The following USP34 variants were observed in gnomAD, a reference collection of about 807,000 sequenced individuals.
The protein encoded by USP34 is ubiquitin specific peptidase 34, also known as ubiquitin carboxyl-terminal hydrolase 34.
A neutral mutation model predicts 460.3 loss-of-function variants in USP34; 70 were observed. That is an observed-to-expected ratio of 0.15 (90% CI 0.13 to 0.19). The LOEUF is 0.19. Ranked by LOEUF, USP34 falls within the 10% of genes least tolerant of loss-of-function variation. The pLI is 1.00. For missense variants in USP34, 3,985 were observed against 4,236.2 expected, an observed-to-expected ratio of 0.94 and a Z score of 1.65; for synonymous variants, 1,647 against 1,405.3, an observed-to-expected ratio of 1.17 and a Z score of -3.85.
At chr2:61,451,110 A>G (rs1338637994) in intron 1 of USP34, among the ~76,000 whole-genome samples, 1 of 147,858 alleles carries the variant, frequency 6.8e-6, no homozygotes, top group Non-Finnish European at 1.5e-5. Context: ...AATTCCAGCT[A>G]CTCGGGACGC....
intron 10 of USP34, among the ~76,000 whole-genome samples, chr2:61,361,724 C>T (rs1382887039): frequency 6.6e-6 from 1 of 152,112 alleles, no homozygotes; most frequent in Non-Finnish European, 1.5e-5. Flanking sequence ...GAAGGTGACA[C>T]AGGTTAAAAA....
At chr2:61,244,671 T>C (rs1688373649) in intron 51 of USP34, among the ~76,000 whole-genome samples, 1 of 152,042 alleles carries the variant, frequency 6.6e-6, no homozygotes, top group African/African-American at 2.4e-5. Flanking sequence ...GAAGATGTCC[T>C]TTTTCTATCC....
At chr2:61,258,400 G>GT (rs1482212855) in intron 44 of USP34, among the ~76,000 whole-genome samples, 1 of 152,168 alleles carries the variant, frequency 6.6e-6, no homozygotes, top group African/African-American at 2.4e-5. Flanking sequence ...GGTGAGAAAA[G>GT]TAACATATAT....
chr2:61,357,855 C>T (rs541898912), intron 10 of USP34, among the ~76,000 whole-genome samples: 1 of 152,094 alleles, frequency 6.6e-6, no homozygotes, highest in Non-Finnish European at 1.5e-5. Flanking sequence ...ACACTGCATA[C>T]TCCAGCTTGG....
intron 58 of USP34, among the ~76,000 whole-genome samples, chr2:61,232,039 C>T (rs896018619): frequency 6.6e-6 from 1 of 151,982 alleles, no homozygotes; most frequent in East Asian, 1.9e-4. Flanking sequence ...CAAACTGTTT[C>T]GTTTGACAGT....
Position 61,187,868 on chromosome 2 carries a change from T to G in USP34, c.*234A>C, listed in dbSNP as rs1174943370. The G allele has an allele frequency of 7.5e-7, 1 of 1,337,904 alleles. No homozygotes were observed. Among genetic ancestry groups the G allele is most frequent in the African/African-American group, 1.5e-5 (1 of 67,476 alleles). The allele number at this position is 1,337,904 out of a possible 1,614,324, so 82.9% of individuals were successfully genotyped here. A position where few individuals can be genotyped will look rare whatever the true frequency, so the allele number is the denominator to read the frequency against. ...AAATGAAAGCCACTAAAGTGAACTC[T>G]TAATTACATAAAACATATCCATTAT... On this transcript the variant is annotated 3_prime_UTR_variant, in exon 80 of 80. Coordinates refer to ENST00000398571, the MANE Select transcript of USP34 (RefSeq NM_014709.4).
intron 40 of USP34, 26 bp downstream of exon 40, chr2:61,278,362 A>T (rs931289113): frequency 1.2e-6 from 2 of 1,607,430 alleles, no homozygotes; most frequent in African/African-American, 2.7e-5. Flanking sequence ...CGACAATATA[A>T]ATGTCAATTT....
In USP34 at chr2:61,237,284, T is replaced by C. The variant is rs1197856400; in HGVS notation, c.6778-895A>G. Among the ~76,000 whole-genome samples the C allele has an allele frequency of 2.6e-5, 4 of 152,240 alleles. No homozygotes were observed. In the South Asian group the frequency reaches 8.3e-4, roughly 32 times the overall value. On this transcript the variant is annotated intron_variant, in intron 53 of 79. Coordinates refer to ENST00000398571, the MANE Select transcript of USP34 (RefSeq NM_014709.4). Reference sequence around the variant, plus strand: ...GCATTCTGCCCATCTCATTCAGTACTGTTTATAAATAATAAGGGAGCCCCA... The same window carrying C: ...GCATTCTGCCCATCTCATTCAGTACCGTTTATAAATAATAAGGGAGCCCCA...
Position 61,188,771 on chromosome 2 carries a change from G to A in USP34, c.10034-62C>T, listed in dbSNP as rs575670399. The A allele has an allele frequency of 8.1e-5, 127 of 1,574,868 alleles. No homozygotes were observed. In the African/African-American group the frequency reaches 1.6e-3, roughly 20 times the overall value. The stretch of plus-strand genomic sequence containing the variant: ...AAGTCATTAAGATCACGTTAGGGGG[G>A]GATGTGGGAAGTTAATTTTGTTTCT... On this transcript the variant is annotated intron_variant, in intron 79 of 79. Transcript: ENST00000398571.
chr2:61,246,443 T>C lies in USP34; in HGVS notation c.6429A>G (p.Ser2143=). 1 of 1,595,802 alleles carries C rather than the reference T, an allele frequency of 6.3e-7. No homozygotes were observed. Among genetic ancestry groups the C allele is most frequent in the Non-Finnish European group, 8.5e-7 (1 of 1,171,076 alleles). ...FKEVSDHSKD[S]ESYEYDLIGV... Reference sequence around the variant, plus strand: ...CTATCAAGTCATATTCATAGCTCTCTGAGTCTTTTGAATGATCACTGACTT... The same window carrying C: ...CTATCAAGTCATATTCATAGCTCTCCGAGTCTTTTGAATGATCACTGACTT... Residue 2143 remains serine (S), a synonymous_variant, in exon 50 of 80, where the codon TCA becomes TCG. Coordinates refer to ENST00000398571, the MANE Select transcript of USP34 (RefSeq NM_014709.4).
intron 75 of USP34, among the ~76,000 whole-genome samples, chr2:61,198,557 C>CTT (rs11340973): frequency 5.9e-4 from 83 of 139,534 alleles, no homozygotes; most frequent in African/African-American, 1.4e-3. Context: ...ATCTGATAGA[C>CTT]TTTTTTTTTT....
In USP34 at chr2:61,339,428, C is replaced by T. The variant is rs757999011; in HGVS notation, c.2667G>A (p.Ser889=). 11 of 1,603,806 alleles carry T rather than the reference C, an allele frequency of 6.9e-6. No homozygotes were observed. The highest frequency in any genetic ancestry group is 1.1e-5 in the South Asian group (1 of 88,722). The change falls in exon 18 of 80, where the codon TCG becomes TCA. Residue 889 remains serine (S), a synonymous_variant. Transcript: ENST00000398571. The part of the protein sequence containing the change: ...LINEAEKLLC[S]LVCWFTDRQI... ...GTCTATCTGTAAACCAACATACTAA[C>T]GAACAAAGAAGTTTCTCTGCTTCAT...
intron 1 of USP34, among the ~76,000 whole-genome samples, chr2:61,456,375 T>C (rs764632675): frequency 6.6e-6 from 1 of 152,214 alleles, no homozygotes; most frequent in Non-Finnish European, 1.5e-5. Context: ...GAGTCAATAA[T>C]ATATGAAATG....
At chr2:61,395,096 G>C (rs1408872830) in intron 4 of USP34, 87 bp downstream of exon 4, 3 of 1,444,778 alleles carry the variant, frequency 2.1e-6, no homozygotes, top group East Asian at 4.8e-5. Context: ...AAACTCAAAA[G>C]ACATATATAA....
At chr2:61,221,447 T>C (rs1463453598) in intron 66 of USP34, 55 bp downstream of exon 66, 9 of 1,488,800 alleles carry the variant, frequency 6.0e-6, no homozygotes, top group African/African-American at 2.8e-5. Context: ...GACTATATTA[T>C]AAAAATAAAA....
rs553591277 is a variant in USP34, at chr2:61,205,597, A to C, written c.9154+420T>G. On this transcript the variant is annotated intron_variant, in intron 72 of 79. Coordinates refer to ENST00000398571, the MANE Select transcript of USP34 (RefSeq NM_014709.4). ...AGCATTTTATTATAAATATGCAATCAATAAAAAGATGCAATACTCAGAGCC... is the reference window on the plus strand; with the variant it reads ...AGCATTTTATTATAAATATGCAATCCATAAAAAGATGCAATACTCAGAGCC... Among the ~76,000 whole-genome samples, 33 of 152,334 alleles carry C rather than the reference A, an allele frequency of 2.2e-4. No homozygotes were observed. The South Asian group carries it at 6.8e-3, about 32-fold the overall frequency.
At chr2:61,330,612 G>C (rs1300627342) in intron 20 of USP34, among the ~76,000 whole-genome samples, 2 of 152,094 alleles carry the variant, frequency 1.3e-5, no homozygotes, top group Non-Finnish European at 2.9e-5. Context: ...TATGCCAGTA[G>C]TGGCATTGAA....
In USP34 at chr2:61,266,112, C is replaced by T. The variant is rs760903451; in HGVS notation, c.5489G>A (p.Arg1830Gln). The change falls in exon 42 of 80, where the codon CGA becomes CAA. Residue 1830 changes from arginine to glutamine, a missense_variant. Arg to Gln is a conservative substitution (Grantham distance 43). Coordinates refer to ENST00000398571, the MANE Select transcript of USP34 (RefSeq NM_014709.4). ...ATGTGATTTGCACTTTGGCTGTTGT[C>T]GGTCCTTTAGACTTGGCAACAAAAA... ...LLFLLPSLKD[R>Q]QQPKCKSHSS... The T allele has an allele frequency of 8.7e-6, 14 of 1,613,668 alleles. No homozygotes were observed. Among genetic ancestry groups the T allele is most frequent in the East Asian group, 4.5e-5 (2 of 44,882 alleles).
In USP34 at chr2:61,350,276, G is replaced by C; in HGVS notation, c.1491C>G (p.Pro497=). The C allele has an allele frequency of 6.2e-7, 1 of 1,603,258 alleles. No individual in the cohort carries two copies. Among genetic ancestry groups the C allele is most frequent in the Middle Eastern group, 1.7e-4 (1 of 5,884 alleles). The part of the protein sequence containing the change: ...SFASLLNTNI[P]IGNKKEEEEL... ...ATTACTAACCTTTCTTATTTCCAATGGGAATATTAGTATTTAATAAAGATG... is the reference window on the plus strand; with the variant it reads ...ATTACTAACCTTTCTTATTTCCAATCGGAATATTAGTATTTAATAAAGATG... The change falls in exon 12 of 80, where the codon CCC becomes CCG. Residue 497 remains proline (P), a synonymous_variant. Transcript: ENST00000398571.
Sources: allele counts gnomAD v4.1 joint callset (sites outside exome capture counted in the v4.1 genomes callset), GRCh38; gene constraint gnomAD v4.1.1; transcripts MANE v1.5; gene names NCBI Gene and HGNC (gene_info 2026-07-23, HGNC 2026-07-21).